The following DYTN variants were observed in gnomAD, a reference collection of about 807,000 sequenced individuals.
DYTN encodes dystrotelin.
Under a neutral mutation model 69.6 loss-of-function variants are expected in DYTN, and 75 were observed. The observed-to-expected ratio is 1.08, with a 90% confidence interval of 0.89 to 1.31. The LOEUF (loss-of-function observed/expected upper bound fraction) is 1.31, where lower values mean the gene tolerates loss of function less well. Among genes scored for constraint, DYTN ranks in the 50% most tolerant of loss-of-function variants. The pLI is 0.00. For missense variants in DYTN, 726 were observed against 688.4 expected (o/e 1.05, Z -0.61); for synonymous variants, 252 against 249.1 (o/e 1.01, Z -0.11).
At chr2:206,712,715 C>T (rs752047586) in intron 1 of DYTN, among the ~76,000 whole-genome samples, 1 of 152,170 alleles carries the variant, frequency 6.6e-6, no homozygotes, top group African/African-American at 2.4e-5. Context: ...TGAACCACCT[C>T]CCCTAATCTG....
At chr2:206,656,157 T>C (rs1287637607) in intron 11 of DYTN, among the ~76,000 whole-genome samples, 2 of 152,192 alleles carry the variant, frequency 1.3e-5, no homozygotes, top group African/African-American at 2.4e-5. Flanking sequence ...TATATTTAGG[T>C]GCTCTGATGT....
chr2:206,715,922 T>C (rs1700125120), intron 1 of DYTN, among the ~76,000 whole-genome samples: 1 of 152,150 alleles, frequency 6.6e-6, no homozygotes, highest in Non-Finnish European at 1.5e-5. Context: ...ACCCCGCCTC[T>C]ACTAAAAATA....
Position 206,651,932 on chromosome 2 carries a change from C to T in DYTN, c.1634-11G>A. 1 of 1,607,304 alleles carries T rather than the reference C, an allele frequency of 6.2e-7. No individual in the cohort carries two copies. The highest frequency in any genetic ancestry group is 8.5e-7 in the Non-Finnish European group (1 of 1,176,290). On this transcript the variant is annotated splice_polypyrimidine_tract_variant and intron_variant, in intron 11 of 11. Coordinates refer to ENST00000452335, the MANE Select transcript of DYTN (RefSeq NM_001093730.1). ...CTGAAGACTCCGGGCCTGAAATCAA[C>T]AAACAAGAGAGTCATTTAGAGAAAC... is the stretch of plus-strand genomic sequence containing the variant.
intron 4 of DYTN, 45 bp from the exon 5 acceptor site, chr2:206,704,988 G>T: frequency 6.7e-7 from 1 of 1,490,342 alleles, no homozygotes; most frequent in Non-Finnish European, 9.3e-7. Flanking sequence ...TACTTGCAAT[G>T]TATCTTTGAA....
chr2:206,706,172 A>G lies in DYTN; in HGVS notation c.297-299T>C, dbSNP rs143303969. Among the ~76,000 whole-genome samples the G allele has an allele frequency of 2.0e-3, 302 of 152,318 alleles. 1 individual carries two copies. Among genetic ancestry groups the G allele is most frequent in the African/African-American group, 6.9e-3 (285 of 41,570 alleles). On this transcript the variant is annotated intron_variant, in intron 3 of 11. Coordinates refer to ENST00000452335, the MANE Select transcript of DYTN (RefSeq NM_001093730.1). ...GGGATAAACCCTGTTTTCATGGAGCAGGTAGCATCACTTCCTCGGGCCTCA... is the reference window on the plus strand; with the variant it reads ...GGGATAAACCCTGTTTTCATGGAGCGGGTAGCATCACTTCCTCGGGCCTCA...
intron 11 of DYTN, among the ~76,000 whole-genome samples, 169 bp from the exon 12 acceptor site, chr2:206,652,090 T>A (rs557114727): frequency 7.9e-5 from 12 of 152,298 alleles, no homozygotes; most frequent in Middle Eastern, 6.8e-3. Context: ...TTTACCACGA[T>A]CATTACTACG....
intron 1 of DYTN, among the ~76,000 whole-genome samples, chr2:206,716,350 C>G (rs1165222797): frequency 1.3e-5 from 2 of 152,090 alleles, no homozygotes; most frequent in African/African-American, 4.8e-5. Context: ...TGAGAACATG[C>G]CACAGGCCTC....
Position 206,691,349 on chromosome 2 carries a change from G to A in DYTN, c.980+1826C>T, listed in dbSNP as rs189438177. On this transcript the variant is annotated intron_variant, in intron 9 of 11. Transcript: ENST00000452335. ...AATTGCTTGAACCTAGAAGGCAGAG[G>A]TCGCAGCGAGCCGAGATGGTGCCAC... 5.9e-3 allele frequency among the ~76,000 whole-genome samples: 895 copies of A among 152,062 alleles called. 7 individuals are homozygous for A. Among genetic ancestry groups the A allele is most frequent in the Non-Finnish European group, 7.4e-3 (501 of 67,984 alleles).
intron 9 of DYTN, among the ~76,000 whole-genome samples, chr2:206,670,796 A>G (rs1440962089): frequency 6.6e-6 from 1 of 152,200 alleles, no homozygotes; most frequent in African/African-American, 2.4e-5. Flanking sequence ...TTTAGAAATA[A>G]CGTCACAATA....
At chr2:206,712,027 A>G (rs1463742407) in intron 1 of DYTN, among the ~76,000 whole-genome samples, 2 of 152,180 alleles carry the variant, frequency 1.3e-5, no homozygotes, top group African/African-American at 2.4e-5. Flanking sequence ...GTTATATAAG[A>G]TCATACACAT....
intron 8 of DYTN, among the ~76,000 whole-genome samples, chr2:206,693,755 C>T (rs187082747): frequency 4.5e-4 from 69 of 152,346 alleles, no homozygotes; most frequent in South Asian, 1.2e-3. Flanking sequence ...CCATTTATTT[C>T]ACCCCAAGTT....
intron 11 of DYTN, among the ~76,000 whole-genome samples, chr2:206,656,833 G>GT (rs1699455916): frequency 6.6e-6 from 1 of 150,648 alleles, no homozygotes. Flanking sequence ...CATGATCTTG[G>GT]TTCACCGCAA....
At chr2:206,709,342 G>A (rs56296489) in intron 2 of DYTN, among the ~76,000 whole-genome samples, 33,602 of 151,866 alleles carry the variant, frequency 0.22, 4,343 homozygotes, top group Non-Finnish European at 0.28. Flanking sequence ...CCAGCTACTC[G>A]GGAGGTTGAG....
chr2:206,660,815 T>A (rs138292015), intron 11 of DYTN, among the ~76,000 whole-genome samples: 1 of 152,328 alleles, frequency 6.6e-6, no homozygotes, highest in African/African-American at 2.4e-5. Flanking sequence ...AATAATTAGT[T>A]TATTGACTTG....
intron 9 of DYTN, among the ~76,000 whole-genome samples, chr2:206,674,934 A>T (rs1699667180): frequency 6.6e-6 from 1 of 151,846 alleles, no homozygotes; most frequent in Admixed American, 6.6e-5. Context: ...TAAAACTGTA[A>T]TATCTAAAGG....
chr2:206,695,832 T>C (rs1018911619), intron 7 of DYTN, among the ~76,000 whole-genome samples: 1 of 152,232 alleles, frequency 6.6e-6, no homozygotes, highest in African/African-American at 2.4e-5. Context: ...CTACTCCTTT[T>C]AGACTGGACA....
intron 9 of DYTN, among the ~76,000 whole-genome samples, chr2:206,690,043 G>T (rs1435892003): frequency 6.6e-6 from 1 of 152,196 alleles, no homozygotes; most frequent in Non-Finnish European, 1.5e-5. Flanking sequence ...TAAGATATAG[G>T]ATGTCAGAGG....
intron 11 of DYTN, among the ~76,000 whole-genome samples, chr2:206,661,702 C>A (rs1220752738): frequency 6.6e-6 from 1 of 152,236 alleles, no homozygotes; most frequent in Middle Eastern, 3.4e-3. Context: ...ATATGACATG[C>A]AAAGTGTGTG....
intron 1 of DYTN, among the ~76,000 whole-genome samples, chr2:206,717,021 A>G (rs1266382633): frequency 1.4e-5 from 2 of 142,968 alleles, no homozygotes; most frequent in Non-Finnish European, 3.0e-5. Flanking sequence ...GCTAACTTTT[A>G]CATTTTTTTT....
Sources: allele counts gnomAD v4.1 joint callset (sites outside exome capture counted in the v4.1 genomes callset), GRCh38; gene constraint gnomAD v4.1.1; transcripts MANE v1.5; gene names NCBI Gene and HGNC (gene_info 2026-07-23, HGNC 2026-07-21).